RCAN2: variants seen among roughly 807,000 people sequenced by gnomAD.
RCAN2 encodes regulator of calcineurin 2.
RCAN2 carries 9 observed loss-of-function variants against 23.6 expected under a neutral mutation model. That is an observed-to-expected ratio of 0.38 (90% CI 0.23 to 0.67). RCAN2 has a LOEUF of 0.67. Among genes scored for constraint, RCAN2 ranks in the 30% least tolerant of loss-of-function variants. The probability of loss-of-function intolerance (pLI) is 0.51; values close to 1 mark genes in which losing one functional copy is unlikely to be tolerated. For missense variants in RCAN2, 273 were observed against 302.3 expected, an observed-to-expected ratio of 0.90 and a Z score of 0.72; for synonymous variants, 109 against 115.7, an observed-to-expected ratio of 0.94 and a Z score of 0.37.
chr6:46,316,528 C>T (rs1373263444), intron 2 of RCAN2, among the ~76,000 whole-genome samples: 1 of 152,170 alleles, frequency 6.6e-6, no homozygotes, highest in Non-Finnish European at 1.5e-5. Context: ...ATAACAGCAT[C>T]ATCCTTTTTG....
At chr6:46,339,014 CAA>C (rs3997300) in intron 2 of RCAN2, among the ~76,000 whole-genome samples, 82 of 47,108 alleles carry the variant, frequency 1.7e-3, no homozygotes, top group East Asian at 0.013. Flanking sequence ...GACCCTGTCT[CAA>C]AAAAAAAAAA....
intron 2 of RCAN2, among the ~76,000 whole-genome samples, chr6:46,391,382 AG>A (rs1389576493): frequency 2.0e-5 from 3 of 152,220 alleles, no homozygotes; most frequent in Admixed American, 6.5e-5. Context: ...GCTGATAGGC[AG>A]GGGGGCAGGG....
At chr6:46,374,876 T>A (rs1485143793) in intron 2 of RCAN2, among the ~76,000 whole-genome samples, 1 of 145,388 alleles carries the variant, frequency 6.9e-6, no homozygotes, top group Non-Finnish European at 1.5e-5. Flanking sequence ...CCACTTCTGT[T>A]AACTCACAGC....
chr6:46,460,719 C>G (rs1412992714), intron 1 of RCAN2, among the ~76,000 whole-genome samples: 1 of 152,106 alleles, frequency 6.6e-6, no homozygotes, highest in South Asian at 2.1e-4. Flanking sequence ...ATCCATGTAT[C>G]TACAGGAAAA....
intron 2 of RCAN2, among the ~76,000 whole-genome samples, chr6:46,426,013 C>T (rs1165990594): frequency 2.0e-5 from 3 of 151,722 alleles, no homozygotes; most frequent in Non-Finnish European, 2.9e-5. Flanking sequence ...ATTCTCCTGC[C>T]TCAGCCTACT....
At chr6:46,311,397 G>T (rs2028542) in intron 2 of RCAN2, among the ~76,000 whole-genome samples, 2,195 of 152,322 alleles carry the variant, frequency 0.014, 61 homozygotes, top group African/African-American at 0.048. Flanking sequence ...GGCTGTAAAA[G>T]ATGTGAATGA....
chr6:46,257,722 A>T (rs1418478492), intron 2 of RCAN2, among the ~76,000 whole-genome samples: 1 of 152,134 alleles, frequency 6.6e-6, no homozygotes, highest in Admixed American at 6.5e-5. Flanking sequence ...TCTAGATGAG[A>T]TTTGGGTGGG....
At chr6:46,389,910 T>C (rs1243434903) in intron 2 of RCAN2, among the ~76,000 whole-genome samples, 1 of 152,120 alleles carries the variant, frequency 6.6e-6, no homozygotes, top group Non-Finnish European at 1.5e-5. Flanking sequence ...AATTCTTCTA[T>C]TCTGTAAGAA....
At chr6:46,395,124 C>A (rs1766050670) in intron 2 of RCAN2, among the ~76,000 whole-genome samples, 1 of 152,048 alleles carries the variant, frequency 6.6e-6, no homozygotes, top group Non-Finnish European at 1.5e-5. Context: ...GTTTGAAATG[C>A]CTTGACATCA....
chr6:46,294,322 T>G (rs1641725184), intron 2 of RCAN2, among the ~76,000 whole-genome samples: 2 of 152,182 alleles, frequency 1.3e-5, no homozygotes, highest in Admixed American at 1.3e-4. Context: ...GAACATTCAA[T>G]TCTAGTTAGT....
intron 2 of RCAN2, among the ~76,000 whole-genome samples, chr6:46,312,521 T>C (rs1763297256): frequency 6.6e-6 from 1 of 152,192 alleles, no homozygotes; most frequent in Non-Finnish European, 1.5e-5. Context: ...TTTCTGATTT[T>C]AGACCTTCTT....
intron 2 of RCAN2, among the ~76,000 whole-genome samples, chr6:46,351,135 A>T (rs766321660): frequency 4.6e-5 from 7 of 152,242 alleles, no homozygotes; most frequent in East Asian, 1.9e-4. Context: ...GCAGAGGTCA[A>T]ATAACTTTCC....
At chr6:46,483,365 A>T (rs1768915791) in intron 1 of RCAN2, among the ~76,000 whole-genome samples, 1 of 152,168 alleles carries the variant, frequency 6.6e-6, no homozygotes, top group Non-Finnish European at 1.5e-5. Context: ...AGGGGCTATG[A>T]TAGCCCTCTT....
chr6:46,385,822 A>G (rs1765727361), intron 2 of RCAN2, among the ~76,000 whole-genome samples: 1 of 136,204 alleles, frequency 7.3e-6, no homozygotes, highest in Admixed American at 8.8e-5. Context: ...ATGCCATTGC[A>G]CTCCAGCCTG....
chr6:46,291,371 G>A (rs772919083), intron 2 of RCAN2, among the ~76,000 whole-genome samples: 1 of 151,444 alleles, frequency 6.6e-6, no homozygotes, highest in Non-Finnish European at 1.5e-5. Context: ...GGGGAAGTGA[G>A]GAGAAGGTAT....
At chr6:46,305,504 G>T (rs1763033736) in intron 2 of RCAN2, among the ~76,000 whole-genome samples, 1 of 151,902 alleles carries the variant, frequency 6.6e-6, no homozygotes, top group South Asian at 2.1e-4. Context: ...CTCAGACTCT[G>T]CTAGACAGTA....
In RCAN2 at chr6:46,246,769, C is replaced by A. The variant is rs1296992575; in HGVS notation, c.550G>T (p.Ala184Ser). Residue 184 changes from alanine to serine, a missense_variant, in exon 4 of 5, where the codon GCT becomes TCT. Transcript: ENST00000371374. ...TPVLNYDLLY[A>S]VAKLGPGEKY... ...TTACCTGGTCCTAGTTTGGCCACAGCATAGAGGAGGTCATAGTTGAGGACT... is the reference window on the plus strand; with the variant it reads ...TTACCTGGTCCTAGTTTGGCCACAGAATAGAGGAGGTCATAGTTGAGGACT... The A allele has an allele frequency of 6.2e-7, 1 of 1,613,586 alleles. No homozygotes were observed. Among genetic ancestry groups the A allele is most frequent in the South Asian group, 1.1e-5 (1 of 91,064 alleles).
intron 2 of RCAN2, among the ~76,000 whole-genome samples, chr6:46,425,896 C>CTTTCT (rs1406895123): frequency 1.4e-4 from 18 of 126,684 alleles, no homozygotes; most frequent in African/African-American, 5.0e-4. Flanking sequence ...TTCTTTCTTT[C>CTTTCT]TTTTTTTTTT....
intron 1 of RCAN2, among the ~76,000 whole-genome samples, chr6:46,487,147 T>C (rs1769015812): frequency 6.6e-6 from 1 of 152,168 alleles, no homozygotes; most frequent in African/African-American, 2.4e-5. Context: ...AATAATAGAA[T>C]CCAGTATGAC....
Sources: allele counts gnomAD v4.1 joint callset (sites outside exome capture counted in the v4.1 genomes callset), GRCh38; gene constraint gnomAD v4.1.1; transcripts MANE v1.5; gene names NCBI Gene and HGNC (gene_info 2026-07-23, HGNC 2026-07-21).